The following C15orf40 variants were observed in gnomAD, a reference collection of about 807,000 sequenced individuals.
The protein encoded by C15orf40 is chromosome 15 open reading frame 40, also known as UPF0235 protein C15orf40.
Under a neutral mutation model 13.9 loss-of-function variants are expected in C15orf40, and 9 were observed. The ratio of observed to expected loss-of-function variants is 0.65; its 90% confidence interval spans 0.39 to 1.13. The LOEUF (loss-of-function observed/expected upper bound fraction) is 1.13, where lower values mean the gene tolerates loss of function less well. Among genes scored for constraint, C15orf40 ranks in the 50% most tolerant of loss-of-function variants. The pLI is 0.01. For missense variants in C15orf40, 225 were observed against 188.5 expected, an observed-to-expected ratio of 1.19 and a Z score of -1.13; for synonymous variants, 95 against 69.2, an observed-to-expected ratio of 1.37 and a Z score of -1.85.
chr15:83,000,452 A>T lies in C15orf40; in HGVS notation c.*5145T>A, dbSNP rs1327281523. On this transcript the variant is annotated 3_prime_UTR_variant, in exon 4 of 4. Transcript: ENST00000304177. ...CTCCGACCTGAGCTAAATTTAAGAT[A>T]CAAGGGGACTAAGCTTAAGGAATGG... The T allele has an allele frequency of 6.6e-6, 1 of 152,264 alleles. No individual in the cohort carries two copies. Among genetic ancestry groups the T allele is most frequent in the African/African-American group, 2.4e-5 (1 of 41,450 alleles). 9.4% of individuals were successfully genotyped at this position (152,264 alleles called of 1,614,324 possible). A position where few individuals can be genotyped will look rare whatever the true frequency, so the allele number is the denominator to read the frequency against.
chr15:83,005,838 TC>T, intron 3 of C15orf40, 146 bp from the exon 4 acceptor site: 1 of 1,241,294 alleles, frequency 8.1e-7, no homozygotes, highest in Non-Finnish European at 1.1e-6. Flanking sequence ...CTTAGATTCT[TC>T]CTTACTACCA....
Position 83,004,885 on chromosome 15 carries a change from T to C in C15orf40, c.*712A>G, listed in dbSNP as rs1423437302. 1.5e-6 allele frequency: 2 copies of C among 1,304,232 alleles called. No homozygotes were observed. The highest frequency in any genetic ancestry group is 2.0e-6 in the Non-Finnish European group (2 of 988,324). 80.8% of individuals were successfully genotyped at this position (1,304,232 alleles called of 1,614,324 possible). ...GAGATATGATTTTTAATTTACAATC[T>C]AGAAAAACTGCATTCAACAAGTAGT... On this transcript the variant is annotated 3_prime_UTR_variant, in exon 4 of 4. Transcript: ENST00000304177.
chr15:82,989,810 C>G, downstream of C15orf40: 1 of 1,543,894 alleles, frequency 6.5e-7, no homozygotes, highest in Non-Finnish European at 8.8e-7. Flanking sequence ...ACCAGAAGCA[C>G]TGCTATGGGT....
intron 3 of C15orf40, chr15:83,006,373 T>C: frequency 1.0e-6 from 1 of 980,678 alleles, no homozygotes; most frequent in African/African-American, 1.7e-5. Flanking sequence ...AACAAATTGC[T>C]ATTCTCTATG....
chr15:82,997,229 T>A lies in C15orf40; in HGVS notation c.*8368A>T, dbSNP rs1000039873. 6 of 147,882 alleles carry A rather than the reference T, an allele frequency of 4.1e-5. No homozygotes were observed. Among genetic ancestry groups the A allele is most frequent in the South Asian group, 2.1e-4 (1 of 4,716 alleles). The allele number at this position is 147,882 out of a possible 1,614,324, so 9.2% of individuals were successfully genotyped here. On this transcript the variant is annotated 3_prime_UTR_variant, in exon 4 of 4. Transcript: ENST00000304177. ...TTATTTATTTATTTTTATTTTTTTT[T>A]AATTTATTTTTTTATTGATAATTCT...
Position 83,005,371 on chromosome 15 carries a change from G to GC in C15orf40, c.*225dup, listed in dbSNP as rs1051529000. The GC allele has an allele frequency of 9.2e-5, 65 of 708,354 alleles. No homozygotes were observed. The African/African-American group carries it at 1.2e-3, about 13-fold the overall frequency. 43.9% of individuals were successfully genotyped at this position (708,354 alleles called of 1,614,324 possible). The stretch of plus-strand genomic sequence containing the variant: ...GCGATCTCGGCTTACTGCAACCTCC[G>GC]CCCCCCAGGTTCAAGTGATTCTCCT... On this transcript the variant is annotated 3_prime_UTR_variant, in exon 4 of 4. Transcript: ENST00000304177.
intron 2 of C15orf40, 92 bp from the exon 3 acceptor site, chr15:83,008,767 G>A: frequency 7.3e-7 from 1 of 1,370,182 alleles, no homozygotes; most frequent in Non-Finnish European, 9.8e-7. Flanking sequence ...GCATTTGCCT[G>A]GCACACAGAT....
downstream of C15orf40, chr15:82,989,922 G>T (rs2030786580): frequency 2.5e-6 from 4 of 1,612,486 alleles, no homozygotes; most frequent in South Asian, 4.4e-5. Flanking sequence ...GACAACAGAT[G>T]GGGGTGGCCA....
At position 83,011,540 on chromosome 15, in the gene C15orf40, A is replaced by G. The variant is rs371852982; in HGVS notation, c.68T>C (p.Leu23Pro). ...ATPNTRGSARLLCAEMPKKAG... is the reference protein window; with the variant it reads ...ATPNTRGSARPLCAEMPKKAG... The stretch of plus-strand genomic sequence containing the variant: ...CTTCTTAGGCATCTCGGCGCAAAGA[A>G]GCCGAGCGGAGCCCCGAGTATTGGG... Residue 23 changes from leucine (L) to proline (P), a missense_variant, in exon 1 of 4, where the codon CTT becomes CCT. Physicochemically the swap from Leu to Pro is moderately conservative, Grantham distance 98. Transcript: ENST00000304177. 7 of 1,605,862 alleles carry G rather than the reference A, an allele frequency of 4.4e-6. No homozygotes were observed. Among genetic ancestry groups the G allele is most frequent in the Non-Finnish European group, 5.9e-6 (7 of 1,178,216 alleles).
chr15:82,997,298 G>A lies in C15orf40; in HGVS notation c.*8299C>T, dbSNP rs567899913. ...GGGGATTTGGCAGGGAAGGTCAGCA[G>A]ATAAACAAGTGAACAAAGGTCTCTG... is the stretch of plus-strand genomic sequence containing the variant. On this transcript the variant is annotated 3_prime_UTR_variant, in exon 4 of 4. Coordinates refer to ENST00000304177, the MANE Select transcript of C15orf40 (RefSeq NM_144597.3). 314 of 147,492 alleles carry A rather than the reference G, an allele frequency of 2.1e-3. No individual in the cohort carries two copies. The highest frequency in any genetic ancestry group is 7.2e-3 in the African/African-American group (284 of 39,376). The allele number at this position is 147,492 out of a possible 1,614,324, so 9.1% of individuals were successfully genotyped here.
Position 83,001,406 on chromosome 15 carries a change from GCTAGAA to G in C15orf40, c.*4185_*4190del. 1 of 551,884 alleles carries G rather than the reference GCTAGAA, an allele frequency of 1.8e-6. No individual in the cohort carries two copies. The highest frequency in any genetic ancestry group is 2.3e-6 in the Non-Finnish European group (1 of 434,132). The allele number at this position is 551,884 out of a possible 1,614,324, so 34.2% of individuals were successfully genotyped here. On this transcript the variant is annotated 3_prime_UTR_variant, in exon 4 of 4. Transcript: ENST00000304177. Reference sequence around the variant, plus strand: ...GCGGGTGATAGATGACAGATGCAGTGCTAGAACATCATATGTCGGCATAGTTGGATA... The same window carrying G: ...GCGGGTGATAGATGACAGATGCAGTGCATCATATGTCGGCATAGTTGGATA...
rs1368518147 is a variant in C15orf40 at position 83,002,554 on chromosome 15, T to C, written c.*3043A>G. The stretch of plus-strand genomic sequence containing the variant: ...TTACTGCTTTAGGGAACTTGTGTTA[T>C]AGAATGGCATTCCCTGATCACAGGG... On this transcript the variant is annotated 3_prime_UTR_variant, in exon 4 of 4. Coordinates refer to ENST00000304177, the MANE Select transcript of C15orf40 (RefSeq NM_144597.3). 6.6e-6 allele frequency: 1 copy of C among 152,260 alleles called. No individual in the cohort carries two copies. Among genetic ancestry groups the C allele is most frequent in the Non-Finnish European group, 1.5e-5 (1 of 68,056 alleles). 9.4% of individuals were successfully genotyped at this position (152,260 alleles called of 1,614,324 possible).
downstream of C15orf40, among the ~76,000 whole-genome samples, chr15:82,989,617 G>C (rs189805587): frequency 1.3e-4 from 20 of 152,276 alleles, no homozygotes; most frequent in African/African-American, 4.8e-4. Flanking sequence ...CAATTGAATA[G>C]ATTTCACTTT....
At chr15:83,006,898 G>A (rs759255177) in intron 3 of C15orf40, among the ~76,000 whole-genome samples, 10 of 152,218 alleles carry the variant, frequency 6.6e-5, no homozygotes, top group Non-Finnish European at 1.2e-4. Context: ...AAACGTCAGC[G>A]CATGAGCACT....
rs34864426 is a variant in C15orf40 at position 83,005,271 on chromosome 15, AG to A, written c.*325del. On this transcript the variant is annotated 3_prime_UTR_variant, in exon 4 of 4. Transcript: ENST00000304177. ...CCATTAGCAATAAAAAAGTTTCTCA[AG>A]GATGTATTTTTTATTTCTTTTTTTT... 3.0e-6 allele frequency: 3 copies of A among 1,009,356 alleles called. No individual in the cohort carries two copies. Among genetic ancestry groups the A allele is most frequent in the Admixed American group, 5.6e-5 (1 of 17,772 alleles). 62.5% of individuals were successfully genotyped at this position (1,009,356 alleles called of 1,614,324 possible).
downstream of C15orf40, among the ~76,000 whole-genome samples, chr15:82,993,401 T>G (rs534302250): frequency 2.6e-5 from 4 of 152,340 alleles, no homozygotes; most frequent in South Asian, 6.2e-4. Context: ...AATTAAGGAT[T>G]TGTGATTGTT....
Position 82,997,375 on chromosome 15 carries a change from T to G in C15orf40, c.*8222A>C, listed in dbSNP as rs1364142939. 2.1e-5 allele frequency: 3 copies of G among 145,860 alleles called. No homozygotes were observed. The highest frequency in any genetic ancestry group is 2.3e-4 in the South Asian group (1 of 4,444). The allele number at this position is 145,860 out of a possible 1,614,324, so 9.0% of individuals were successfully genotyped here. A position where few individuals can be genotyped will look rare whatever the true frequency, so the allele number is the denominator to read the frequency against. ...CCTTCCGCAGTGTTTGTGTCCCTGATTACTTGAGATTAGGGAGTGGTGATG... is the reference window on the plus strand; with the variant it reads ...CCTTCCGCAGTGTTTGTGTCCCTGAGTACTTGAGATTAGGGAGTGGTGATG... On this transcript the variant is annotated 3_prime_UTR_variant, in exon 4 of 4. Transcript: ENST00000304177.
chr15:82,989,783 G>T, downstream of C15orf40: 1 of 1,394,864 alleles, frequency 7.2e-7, no homozygotes, highest in Non-Finnish European at 9.7e-7. Context: ...CTTATTTATT[G>T]TGTATTAGAA....
chr15:83,005,704 G>T lies in C15orf40; in HGVS notation c.367-12C>A. The stretch of plus-strand genomic sequence containing the variant: ...CGAGATTTACCACCCTGGACCAAAA[G>T]AGAAAAAGCATACTTTACTGTTTAG... On this transcript the variant is annotated splice_polypyrimidine_tract_variant and intron_variant, in intron 3 of 3. Transcript: ENST00000304177. 6.2e-7 allele frequency: 1 copy of T among 1,608,690 alleles called. No individual in the cohort carries two copies. Among genetic ancestry groups the T allele is most frequent in the Non-Finnish European group, 8.5e-7 (1 of 1,178,088 alleles).
Sources: gnomAD v4.1 joint callset for allele counts (sites outside exome capture counted in the v4.1 genomes callset) on GRCh38, gnomAD v4.1.1 for gene constraint, MANE v1.5 for transcripts, NCBI Gene and HGNC (gene_info 2026-07-23, HGNC 2026-07-21) for gene names.